Variants in RAP1GAP2 observed in about 807,000 individuals in gnomAD.
RAP1GAP2 encodes the protein rap1 GTPase-activating protein 2.
Under a neutral mutation model 95.0 loss-of-function variants are expected in RAP1GAP2, and 27 were observed. The observed-to-expected ratio is 0.28, with a 90% CI of 0.21 to 0.39. The LOEUF is 0.39. Ranked by LOEUF, RAP1GAP2 falls within the 10% of genes least tolerant of loss-of-function variation. RAP1GAP2 has a pLI of 1.00. For synonymous variants in RAP1GAP2, 373 were observed against 380.9 expected (o/e 0.98, Z 0.24); for missense variants, 771 against 970.0 (o/e 0.79, Z 2.72).
At chr17:3,026,538 C>A in intron 21 of RAP1GAP2, 74 bp downstream of exon 21, 2 of 1,184,236 alleles carry the variant, frequency 1.7e-6, no homozygotes, top group Non-Finnish European at 2.4e-6. Flanking sequence ...ATTAAAACGG[C>A]ACTGTGGATC....
chr17:2,994,301 AGATT>A, intron 12 of RAP1GAP2, among the ~76,000 whole-genome samples: 1 of 152,242 alleles, frequency 6.6e-6, no homozygotes, highest in East Asian at 1.9e-4. Context: ...GGGGATGCTG[AGATT>A]CTAGGTCCAT....
intron 8 of RAP1GAP2, among the ~76,000 whole-genome samples, chr17:2,969,825 C>T (rs1273800508): frequency 1.3e-5 from 2 of 151,904 alleles, no homozygotes; most frequent in Non-Finnish European, 2.9e-5. Flanking sequence ...ATTCTTATTT[C>T]CTTCCTTATT....
chr17:3,005,711 C>A lies in RAP1GAP2; in HGVS notation c.1273-244C>A, dbSNP rs922224206. Reference sequence around the variant, plus strand: ...TTTATGTTGAGCCCCGGTCAAGGAGCCTTGGGCAGGAATGAGCTCCAGTCG... The same window carrying A: ...TTTATGTTGAGCCCCGGTCAAGGAGACTTGGGCAGGAATGAGCTCCAGTCG... On this transcript the variant is annotated intron_variant, in intron 15 of 24. Coordinates refer to ENST00000254695, the MANE Select transcript of RAP1GAP2 (RefSeq NM_015085.5). This position sits in a 1 kb window ranked among gnomAD's most constrained non-coding sequence, Gnocchi z 5.2. 2.6e-5 allele frequency among the ~76,000 whole-genome samples: 4 copies of A among 152,112 alleles called. No homozygotes were observed. The highest frequency in any genetic ancestry group is 5.9e-5 in the Non-Finnish European group (4 of 68,028).
intron 3 of RAP1GAP2, among the ~76,000 whole-genome samples, chr17:2,942,959 G>A (rs2043555783): frequency 2.0e-5 from 3 of 151,980 alleles, no homozygotes; most frequent in South Asian, 2.1e-4. Context: ...AGTAGAGATG[G>A]GGTTTCACCA....
intron 3 of RAP1GAP2, among the ~76,000 whole-genome samples, chr17:2,920,994 C>A (rs769075865): frequency 6.6e-6 from 1 of 152,002 alleles, no homozygotes; most frequent in South Asian, 2.1e-4. Context: ...ATGTCCCCTG[C>A]GTAGATCTGT....
In RAP1GAP2 at chr17:2,855,509, C is replaced by G. The variant is rs1290554991; in HGVS notation, c.81-49775C>G. On this transcript the variant is annotated intron_variant, in intron 2 of 24. Transcript: ENST00000254695. This position sits in a 1 kb window ranked among gnomAD's most constrained non-coding sequence, Gnocchi z 4.3. ...TTGTTTCATTTATTTTTAGGATTCT[C>G]TCCTGGTTAATGGCCAGTGGTACTG... Among the ~76,000 whole-genome samples, 1 of 152,182 alleles carries G rather than the reference C, an allele frequency of 6.6e-6. No individual in the cohort carries two copies. Among genetic ancestry groups the G allele is most frequent in the Admixed American group, 6.6e-5 (1 of 15,266 alleles).
At chr17:2,841,405 G>T (rs1330767381) in intron 2 of RAP1GAP2, among the ~76,000 whole-genome samples, 3 of 145,612 alleles carry the variant, frequency 2.1e-5, no homozygotes. Context: ...CCAGGTTCAC[G>T]CCATTCTCCT....
At chr17:3,017,532 A>G (rs1480620542) in intron 17 of RAP1GAP2, among the ~76,000 whole-genome samples, 1 of 152,208 alleles carries the variant, frequency 6.6e-6, no homozygotes, top group Non-Finnish European at 1.5e-5. Flanking sequence ...ACACTTTGGG[A>G]TACAATCCAG....
At position 2,810,031 on chromosome 17, in the gene RAP1GAP2, C is replaced by A. The variant is rs868438944; in HGVS notation, c.80+9481C>A. Among the ~76,000 whole-genome samples, 98 of 148,510 alleles carry A rather than the reference C, an allele frequency of 6.6e-4. 4 individuals are homozygous for A. The highest frequency in any genetic ancestry group is 2.3e-3 in the African/African-American group (92 of 40,166). ...TTGTGCTGGGACCCTCCCCTCCCCC[C>A]GCCCCACCCCAGGAGTTCCTTCCTC... On this transcript the variant is annotated intron_variant, in intron 2 of 24. Coordinates refer to ENST00000254695, the MANE Select transcript of RAP1GAP2 (RefSeq NM_015085.5).
intron 3 of RAP1GAP2, among the ~76,000 whole-genome samples, chr17:2,945,962 G>A (rs1315561829): frequency 6.6e-6 from 1 of 151,888 alleles, no homozygotes; most frequent in Non-Finnish European, 1.5e-5. Flanking sequence ...GGTAATTTGT[G>A]TATATTTTAG....
chr17:2,911,399 C>T (rs1183474187), intron 3 of RAP1GAP2, among the ~76,000 whole-genome samples: 4 of 151,900 alleles, frequency 2.6e-5, no homozygotes, highest in Admixed American at 6.6e-5. Flanking sequence ...CTTGAGGCTG[C>T]GTCTGTGGGA....
intron 2 of RAP1GAP2, among the ~76,000 whole-genome samples, chr17:2,872,777 G>T (rs115846970): frequency 0.013 from 1,985 of 151,720 alleles, 29 homozygotes; most frequent in African/African-American, 0.045. Flanking sequence ...TTGACCTCCT[G>T]GGCTCAAGGG....
rs9894497 is a variant in RAP1GAP2 at position 2,871,792 on chromosome 17, C to G, written c.81-33492C>G. On this transcript the variant is annotated intron_variant, in intron 2 of 24. Coordinates refer to ENST00000254695, the MANE Select transcript of RAP1GAP2 (RefSeq NM_015085.5). The surrounding 1 kb of genome is among the most constrained non-coding windows in gnomAD (Gnocchi z 5.0). ...TGTCAGATGTGCATCTTTCCACACA[C>G]GTGGAATGACGTAGAATGAGGTCAT... 0.017 allele frequency among the ~76,000 whole-genome samples: 2,592 copies of G among 151,706 alleles called. 79 individuals are homozygous for G. The highest frequency in any genetic ancestry group is 0.058 in the African/African-American group (2,408 of 41,514).
intron 2 of RAP1GAP2, among the ~76,000 whole-genome samples, chr17:2,901,482 G>A (rs1002858652): frequency 2.0e-5 from 3 of 152,118 alleles, no homozygotes; most frequent in African/African-American, 4.8e-5. Context: ...AGTTGCATGC[G>A]AGTATGGGGC....
chr17:2,995,391 C>T lies in RAP1GAP2; in HGVS notation c.969C>T (p.Tyr323=), dbSNP rs1391806395. ...THGQTGVESV[Y]TTFRDREIMF... is the part of the protein sequence containing the mutation. ...GACAGACAGGGGTGGAATCAGTGTA[C>T]ACAACATTCCGGGACAGGGAGATCA... is the stretch of plus-strand genomic sequence containing the variant. The change falls in exon 13 of 25, where the codon TAC becomes TAT. Residue 323 remains tyrosine, a synonymous_variant. Coordinates refer to ENST00000254695, the MANE Select transcript of RAP1GAP2 (RefSeq NM_015085.5). 3.1e-6 allele frequency: 5 copies of T among 1,613,938 alleles called. No individual in the cohort carries two copies. Among genetic ancestry groups the T allele is most frequent in the South Asian group, 1.1e-5 (1 of 91,082 alleles).
intron 12 of RAP1GAP2, 150 bp downstream of exon 12, chr17:2,991,547 C>A: frequency 1.5e-6 from 1 of 660,542 alleles, no homozygotes; most frequent in Non-Finnish European, 2.6e-6. Flanking sequence ...CACTGCATTT[C>A]TAAGGAATCA....
At chr17:2,818,027 G>A (rs1187129848) in intron 2 of RAP1GAP2, among the ~76,000 whole-genome samples, 2 of 151,786 alleles carry the variant, frequency 1.3e-5, no homozygotes, top group East Asian at 3.9e-4. Flanking sequence ...TAACAGAGAC[G>A]GGGTTTCACT....
At chr17:3,017,823 G>A (rs2046820988) in intron 17 of RAP1GAP2, among the ~76,000 whole-genome samples, 1 of 152,146 alleles carries the variant, frequency 6.6e-6, no homozygotes, top group Non-Finnish European at 1.5e-5. Flanking sequence ...CTCCAGCCGG[G>A]GCTGTGCCTT....
At chr17:2,809,479 C>T (rs1297436871) in intron 2 of RAP1GAP2, among the ~76,000 whole-genome samples, 1 of 152,112 alleles carries the variant, frequency 6.6e-6, no homozygotes, top group East Asian at 1.9e-4. Context: ...CTGTGGCCCG[C>T]CAGCCGAGAC....
Sources: allele counts gnomAD v4.1 joint callset (sites outside exome capture counted in the v4.1 genomes callset), GRCh38; gene constraint gnomAD v4.1.1; non-coding constraint Gnocchi (gnomAD v3.1); transcripts MANE v1.5; gene names NCBI Gene and HGNC (gene_info 2026-07-23, HGNC 2026-07-21).